Variants in ADARB2 observed in about 807,000 individuals in gnomAD.
ADARB2 encodes the protein inactive double-stranded RNA-specific editase B2.
ADARB2 carries 25 observed loss-of-function variants against 62.2 expected under a neutral mutation model. That is an observed-to-expected ratio of 0.40 (90% CI 0.29 to 0.56). The LOEUF (loss-of-function observed/expected upper bound fraction) is 0.56. Ranked by LOEUF, ADARB2 falls within the 20% of genes least tolerant of loss-of-function variation. The pLI is 0.43. For missense variants in ADARB2, 1,071 were observed against 1,077.4 expected (o/e 0.99, Z 0.08); for synonymous variants, 572 against 500.8 (o/e 1.14, Z -1.90).
Position 1,260,505 on chromosome 10 carries a change from A to G in ADARB2, c.1192+10450T>C, listed in dbSNP as rs1831125651. Among the ~76,000 whole-genome samples, 4 of 151,678 alleles carry G rather than the reference A, an allele frequency of 2.6e-5. No individual in the cohort carries two copies. In the South Asian group the frequency reaches 6.3e-4, roughly 24 times the overall value. ...AAATCACAAGCATTCTTATACACCA[A>G]TAACAGACGAACAGAGAGCCAAATC... is the stretch of plus-strand genomic sequence containing the variant. On this transcript the variant is annotated intron_variant, in intron 4 of 9. Transcript: ENST00000381312.
At chr10:1,543,798 G>T (rs900628454) in intron 1 of ADARB2, among the ~76,000 whole-genome samples, 3 of 152,150 alleles carry the variant, frequency 2.0e-5, no homozygotes, top group Non-Finnish European at 4.4e-5. Flanking sequence ...CGCTGGGCCC[G>T]CTTATTAGTG....
chr10:1,233,902 A>G, intron 5 of ADARB2, 57 bp from the exon 6 acceptor site: 1 of 1,559,120 alleles, frequency 6.4e-7, no homozygotes, highest in Non-Finnish European at 8.7e-7. Flanking sequence ...GAAATGTTCC[A>G]ACCAGGTGAA....
rs1242333997 is a variant in ADARB2 at position 1,178,812 on chromosome 10, G to A, written c.*4381C>T. The A allele has an allele frequency of 6.6e-6, 1 of 152,170 alleles. No homozygotes were observed. The highest frequency in any genetic ancestry group is 2.4e-5 in the African/African-American group (1 of 41,420). The allele number at this position is 152,170 out of a possible 1,614,324, so 9.4% of individuals were successfully genotyped here. ...CTGACATGGACTAGGGGACTCTGCA[G>A]CCTCCCTGAGGGCCGCGGGAAGCCC... On this transcript the variant is annotated 3_prime_UTR_variant, in exon 10 of 10. Transcript: ENST00000381312.
At chr10:1,732,372 G>T (rs1197594400) in intron 1 of ADARB2, among the ~76,000 whole-genome samples, 1 of 151,102 alleles carries the variant, frequency 6.6e-6, no homozygotes, top group Non-Finnish European at 1.5e-5. Context: ...CTTCTGAGAT[G>T]GTTCTTCTGC....
intron 1 of ADARB2, among the ~76,000 whole-genome samples, chr10:1,428,860 C>A (rs1470726000): frequency 6.6e-6 from 1 of 151,032 alleles, no homozygotes; most frequent in Non-Finnish European, 1.5e-5. Flanking sequence ...CACATACACA[C>A]ACGGACACAC....
At chr10:1,605,141 G>A (rs1833479146) in intron 1 of ADARB2, among the ~76,000 whole-genome samples, 2 of 152,242 alleles carry the variant, frequency 1.3e-5, no homozygotes, top group Admixed American at 1.3e-4. Context: ...TTTTCAAACA[G>A]ACCCTCAGGG....
chr10:1,734,294 G>GTTTTTT (rs1835272676), intron 1 of ADARB2, among the ~76,000 whole-genome samples: 1 of 120,476 alleles, frequency 8.3e-6, no homozygotes, highest in Non-Finnish European at 1.7e-5. Flanking sequence ...TGTGACGAAG[G>GTTTTTT]TGTTTTTTTT....
At position 1,615,611 on chromosome 10, in the gene ADARB2, C is replaced by T. The variant is rs913343050; in HGVS notation, c.100+121440G>A. On this transcript the variant is annotated intron_variant, in intron 1 of 9. Transcript: ENST00000381312. ...GGGAATTGGGCTCTCCCACTGACAA[C>T]CTCACTGGAAGGATGTGTTTCTTCC... 5.9e-5 allele frequency among the ~76,000 whole-genome samples: 9 copies of T among 152,352 alleles called. No individual in the cohort carries two copies. The South Asian group carries it at 1.9e-3, about 32-fold the overall frequency.
intron 1 of ADARB2, among the ~76,000 whole-genome samples, chr10:1,606,924 A>T (rs1184371529): frequency 6.6e-6 from 1 of 152,214 alleles, no homozygotes; most frequent in Non-Finnish European, 1.5e-5. Context: ...TCCATCCATG[A>T]CAGAATGTGG....
At chr10:1,325,638 C>T (rs1831837982) in intron 3 of ADARB2, among the ~76,000 whole-genome samples, 1 of 152,160 alleles carries the variant, frequency 6.6e-6, no homozygotes, top group South Asian at 2.1e-4. Context: ...TCTGTTTTTC[C>T]AGCTCCGCCT....
chr10:1,577,916 C>T (rs1233631751), intron 1 of ADARB2, among the ~76,000 whole-genome samples: 1 of 152,132 alleles, frequency 6.6e-6, no homozygotes, highest in Non-Finnish European at 1.5e-5. Flanking sequence ...CAGACACAAC[C>T]AGAGGGACAA....
At chr10:1,366,892 T>G (rs1832318649) in intron 2 of ADARB2, among the ~76,000 whole-genome samples, 1 of 152,164 alleles carries the variant, frequency 6.6e-6, no homozygotes, top group Non-Finnish European at 1.5e-5. Flanking sequence ...ATGAGTTTTT[T>G]CTCATTAAGC....
At chr10:1,450,215 C>T (rs1015261499) in intron 1 of ADARB2, among the ~76,000 whole-genome samples, 1 of 152,224 alleles carries the variant, frequency 6.6e-6, no homozygotes, top group Non-Finnish European at 1.5e-5. Context: ...TACAAGCCTG[C>T]TTCTTTTCCT....
intron 1 of ADARB2, among the ~76,000 whole-genome samples, chr10:1,557,759 A>C (rs544014952): frequency 6.6e-6 from 1 of 152,122 alleles, no homozygotes; most frequent in South Asian, 2.1e-4. Context: ...ACACACACAA[A>C]AAATTAGCTG....
At chr10:1,324,082 G>C (rs895822378) in intron 3 of ADARB2, among the ~76,000 whole-genome samples, 1 of 152,112 alleles carries the variant, frequency 6.6e-6, no homozygotes, top group Non-Finnish European at 1.5e-5. Context: ...ATCAGAAATG[G>C]GCAAAAGACA....
intron 1 of ADARB2, among the ~76,000 whole-genome samples, chr10:1,642,012 A>T (rs78976514): frequency 1.2e-4 from 5 of 41,576 alleles, no homozygotes; most frequent in South Asian, 1.4e-3. Flanking sequence ...GACTCCATTT[A>T]AAAAAAAAAG....
chr10:1,448,317 A>T (rs111762175), intron 1 of ADARB2, among the ~76,000 whole-genome samples: 2 of 152,184 alleles, frequency 1.3e-5, no homozygotes, highest in African/African-American at 4.8e-5. Flanking sequence ...TCCCTTTGAT[A>T]TTTAAATGTT....
chr10:1,412,829 T>G (rs1305087295), intron 1 of ADARB2, among the ~76,000 whole-genome samples: 1 of 152,230 alleles, frequency 6.6e-6, no homozygotes, highest in Non-Finnish European at 1.5e-5. Context: ...ACTATAAAAA[T>G]AGCAGCTACC....
chr10:1,506,742 G>GACA (rs1831857377), intron 1 of ADARB2, among the ~76,000 whole-genome samples: 1 of 152,210 alleles, frequency 6.6e-6, no homozygotes, highest in Non-Finnish European at 1.5e-5. Context: ...CTGGCTGTGG[G>GACA]GTCCCCCAAA....
Sources: allele counts gnomAD v4.1 joint callset (sites outside exome capture counted in the v4.1 genomes callset), GRCh38; gene constraint gnomAD v4.1.1; transcripts MANE v1.5; gene names NCBI Gene and HGNC (gene_info 2026-07-23, HGNC 2026-07-21).